Variants in HEATR4 observed in about 807,000 individuals in gnomAD.
HEATR4 encodes HEAT repeat containing 4.
In HEATR4, 95 loss-of-function variants were observed where a neutral mutation model predicts 108.8. That is an observed-to-expected ratio of 0.87 (90% CI 0.74 to 1.04). The LOEUF is 1.04. Among genes scored for constraint, HEATR4 ranks in the 50% least tolerant of loss-of-function variants. HEATR4 has a pLI of 0.00. For synonymous variants in HEATR4, 443 were observed against 459.4 expected (o/e 0.96, Z 0.46); for missense variants, 1,152 against 1,253.8 (o/e 0.92, Z 1.23).
chr14:73,506,007 C>T (rs1244735299), intron 10 of HEATR4, among the ~76,000 whole-genome samples: 1 of 150,912 alleles, frequency 6.6e-6, no homozygotes, highest in Non-Finnish European at 1.5e-5. Context: ...TCTCCTGCCT[C>T]AGCCTCCCAA....
intron 12 of HEATR4, 103 bp from the exon 13 acceptor site, chr14:73,499,243 T>G (rs768537475): frequency 3.0e-6 from 3 of 990,534 alleles, no homozygotes; most frequent in East Asian, 2.4e-5. Context: ...CATTTTGGGA[T>G]GCCAAGGTGG....
the HEATR4 span, among the ~76,000 whole-genome samples, chr14:73,585,490 GC>G: frequency 6.6e-6 from 1 of 152,108 alleles, no homozygotes; most frequent in Non-Finnish European, 1.5e-5. Context: ...TTCAAGACCA[GC>G]CTGGGCAACA....
the HEATR4 span, among the ~76,000 whole-genome samples, chr14:73,624,273 C>A: frequency 5.3e-5 from 8 of 152,146 alleles, no homozygotes; most frequent in African/African-American, 1.7e-4. Flanking sequence ...CAGGCACACA[C>A]CACCACACCC....
chr14:73,522,606 C>T lies in HEATR4; in HGVS notation c.547G>A (p.Val183Met). ...DMLGRPPSLD[V>M]NLEEREAWLL... ...CAGGCTTCTCTTTCCTCCAGGTTCA[C>T]ATCTAGAGAAGGTGGCCGACCCAGC... is the stretch of plus-strand genomic sequence containing the variant. The change falls in exon 3 of 18, where the codon GTG becomes ATG. Residue 183 changes from valine to methionine, a missense_variant. Val to Met is a conservative substitution (Grantham distance 21). Coordinates refer to ENST00000553558, the MANE Select transcript of HEATR4 (RefSeq NM_001220484.1). 6.2e-7 allele frequency: 1 copy of T among 1,614,240 alleles called. No individual in the cohort carries two copies. The highest frequency in any genetic ancestry group is 8.5e-7 in the Non-Finnish European group (1 of 1,180,048).
the HEATR4 span, among the ~76,000 whole-genome samples, chr14:73,615,557 C>A: frequency 6.6e-6 from 1 of 151,852 alleles, no homozygotes; most frequent in Admixed American, 6.6e-5. Context: ...ATGGTGAAAC[C>A]CCATCTCTAC....
the HEATR4 span, among the ~76,000 whole-genome samples, chr14:73,583,400 T>C: frequency 2.0e-5 from 3 of 151,584 alleles, no homozygotes; most frequent in African/African-American, 7.3e-5. Context: ...TTTAATCCCC[T>C]TTACCCCAAC....
intron 2 of HEATR4, 128 bp from the exon 3 acceptor site, chr14:73,523,352 G>A (rs1486816915): frequency 2.7e-5 from 15 of 559,378 alleles, no homozygotes; most frequent in Non-Finnish European, 4.7e-5. Flanking sequence ...ATGTGAGTTA[G>A]AAGAACAAAA....
chr14:73,495,126 CTT>C (rs1886032843), intron 16 of HEATR4, 100 bp downstream of exon 16: 3 of 995,696 alleles, frequency 3.0e-6, no homozygotes, highest in Non-Finnish European at 4.5e-6. Flanking sequence ...TTTCCTGACT[CTT>C]TCATCCTCTA....
upstream of HEATR4, among the ~76,000 whole-genome samples, chr14:73,563,549 C>T (rs746777865): frequency 1.3e-5 from 2 of 151,960 alleles, no homozygotes; most frequent in Non-Finnish European, 2.9e-5. Flanking sequence ...GAGCTGAGAT[C>T]GCGCCACTGC....
chr14:73,527,224 C>G (rs1888392910), intron 2 of HEATR4: 1 of 151,762 alleles, frequency 6.6e-6, no homozygotes, highest in Non-Finnish European at 1.5e-5. Flanking sequence ...GAATAAATAC[C>G]TAACTCTTCA....
chr14:73,509,858 A>ATTTATATATTTATATATT (rs1566832304), intron 7 of HEATR4, among the ~76,000 whole-genome samples: 1 of 59,198 alleles, frequency 1.7e-5, no homozygotes, highest in African/African-American at 8.1e-5. Flanking sequence ...ATATATATAT[A>ATTTATATATTTATATATT]TATATATATA....
the HEATR4 span, chr14:73,569,408 C>T: frequency 5.6e-6 from 9 of 1,613,846 alleles, no homozygotes; most frequent in Non-Finnish European, 5.9e-6. Flanking sequence ...TTGGTCAGAT[C>T]ATTAGGGTTC....
At chr14:73,480,177 C>A (rs1398075442) in intron 17 of HEATR4, among the ~76,000 whole-genome samples, 2 of 152,136 alleles carry the variant, frequency 1.3e-5, no homozygotes, top group Non-Finnish European at 2.9e-5. Flanking sequence ...CACGGTGGCT[C>A]ACACCTGTGA....
At chr14:73,498,594 C>G (rs1381593367) in intron 13 of HEATR4, among the ~76,000 whole-genome samples, 2 of 152,146 alleles carry the variant, frequency 1.3e-5, no homozygotes, top group African/African-American at 4.8e-5. Context: ...CATGGAAGAC[C>G]TGCCTAGTCC....
chr14:73,587,247 T>C, the HEATR4 span, among the ~76,000 whole-genome samples: 42 of 152,120 alleles, frequency 2.8e-4, no homozygotes, highest in African/African-American at 9.7e-4. Context: ...AGACCGTTGA[T>C]TGAGCCTACT....
intron 7 of HEATR4, among the ~76,000 whole-genome samples, chr14:73,510,030 T>A (rs2140278065): frequency 6.7e-6 from 1 of 149,440 alleles, no homozygotes; most frequent in South Asian, 2.1e-4. Flanking sequence ...CCCAGCTAAT[T>A]TTTAGTATTC....
At chr14:73,528,392 CAAA>C (rs371875141) in intron 2 of HEATR4, among the ~76,000 whole-genome samples, 5 of 88,498 alleles carry the variant, frequency 5.6e-5, no homozygotes, top group African/African-American at 1.4e-4. Context: ...AACTTCATCT[CAAA>C]AAAAAAAAAA....
chr14:73,510,269 A>G (rs1566832659), intron 7 of HEATR4, among the ~76,000 whole-genome samples: 1 of 152,100 alleles, frequency 6.6e-6, no homozygotes, highest in Admixed American at 6.5e-5. Context: ...CAAGGTAGGT[A>G]TCATTGTAGA....
the HEATR4 span, chr14:73,569,485 G>A: frequency 6.2e-7 from 1 of 1,612,518 alleles, no homozygotes; most frequent in South Asian, 1.1e-5. Flanking sequence ...GAACCGGTGC[G>A]AATCGCCGTG....
Sources: allele counts gnomAD v4.1 joint callset (sites outside exome capture counted in the v4.1 genomes callset), GRCh38; gene constraint gnomAD v4.1.1; transcripts MANE v1.5; gene names NCBI Gene and HGNC (gene_info 2026-07-23, HGNC 2026-07-21).